The following ZFHX3 variants were observed in gnomAD, a reference collection of about 807,000 sequenced individuals.
ZFHX3 encodes the protein zinc finger homeobox 3.
ZFHX3 carries 42 observed loss-of-function variants against 279.1 expected under a neutral mutation model. That is an observed-to-expected ratio of 0.15 (90% confidence interval 0.12 to 0.19). The LOEUF is 0.19. ZFHX3 is among the 10% of genes least tolerant of loss of function. The pLI is 1.00. For missense variants in ZFHX3, 4,981 were observed against 4,754.0 expected, an observed-to-expected ratio of 1.05 and a Z score of -1.40; for synonymous variants, 2,293 against 1,957.8, an observed-to-expected ratio of 1.17 and a Z score of -4.52.
intron 2 of ZFHX3, among the ~76,000 whole-genome samples, chr16:73,517,071 T>A (rs915309010): frequency 3.3e-5 from 5 of 151,774 alleles, no homozygotes; most frequent in Non-Finnish European, 7.4e-5. Flanking sequence ...CATCCCCCCA[T>A]AACAAATCCA....
At chr16:73,484,775 G>A (rs2018943689) in intron 2 of ZFHX3, among the ~76,000 whole-genome samples, 1 of 152,164 alleles carries the variant, frequency 6.6e-6, no homozygotes, top group Admixed American at 6.5e-5. Context: ...GGGGCTCTCT[G>A]GAAATACGAT....
chr16:73,881,646 T>C (rs914122006), intron 1 of ZFHX3, among the ~76,000 whole-genome samples: 1 of 152,020 alleles, frequency 6.6e-6, no homozygotes, highest in Non-Finnish European at 1.5e-5. Context: ...TCTGGATATT[T>C]GCTAGGGTTC....
chr16:73,454,370 C>G (rs532879196), intron 3 of ZFHX3, among the ~76,000 whole-genome samples: 1 of 152,020 alleles, frequency 6.6e-6, no homozygotes, highest in African/African-American at 2.4e-5. Flanking sequence ...GAAGTAGACT[C>G]GACAGACTTA....
chr16:73,173,734 G>A (rs1381113318), intron 5 of ZFHX3, among the ~76,000 whole-genome samples: 1 of 152,080 alleles, frequency 6.6e-6, no homozygotes, highest in Non-Finnish European at 1.5e-5. Flanking sequence ...ACCAGGCTCC[G>A]ACACCCAGGT....
intron 5 of ZFHX3, among the ~76,000 whole-genome samples, chr16:73,224,094 G>A (rs1285171166): frequency 1.3e-5 from 2 of 152,196 alleles, no homozygotes; most frequent in Non-Finnish European, 1.5e-5. Context: ...TGGTACTATA[G>A]TGGTAGATAC....
At chr16:73,305,417 G>T (rs962553372) in intron 4 of ZFHX3, among the ~76,000 whole-genome samples, 6 of 152,116 alleles carry the variant, frequency 3.9e-5, no homozygotes, top group African/African-American at 1.4e-4. Context: ...ATGCAAAGAG[G>T]ACGGTGGATT....
Position 72,787,091 on chromosome 16 carries a change from T to G in ZFHX3, c.*73A>C. 7.7e-7 allele frequency: 1 copy of G among 1,290,724 alleles called. No individual in the cohort carries two copies. The highest frequency in any genetic ancestry group is 1.0e-6 in the Non-Finnish European group (1 of 1,000,290). 80.0% of individuals were successfully genotyped at this position (1,290,724 alleles called of 1,614,324 possible). The stretch of plus-strand genomic sequence containing the variant: ...TTAGAAGCTTTGGAATTGCAGTTAG[T>G]CTATTTTTGAAATTGGTTTGTTATT... On this transcript the variant is annotated 3_prime_UTR_variant, in exon 10 of 10. Coordinates refer to ENST00000268489, the MANE Select transcript of ZFHX3 (RefSeq NM_006885.4).
intron 1 of ZFHX3, among the ~76,000 whole-genome samples, chr16:73,890,217 T>C (rs1597160388): frequency 6.8e-6 from 1 of 146,860 alleles, no homozygotes. Flanking sequence ...CTTCTTGTAA[T>C]TGTAAGAGTG....
intron 5 of ZFHX3, among the ~76,000 whole-genome samples, chr16:73,252,784 A>G (rs2013549214): frequency 6.6e-6 from 1 of 152,200 alleles, no homozygotes; most frequent in Non-Finnish European, 1.5e-5. Flanking sequence ...CTAGCAGAGG[A>G]TAAAGGAGCC....
At chr16:73,845,212 C>A (rs1247470124) in intron 1 of ZFHX3, among the ~76,000 whole-genome samples, 1 of 152,054 alleles carries the variant, frequency 6.6e-6, no homozygotes, top group African/African-American at 2.4e-5. Flanking sequence ...GACCTGGAAC[C>A]AGGAAAAACA....
At chr16:73,856,678 G>A (rs1020159233) in intron 1 of ZFHX3, among the ~76,000 whole-genome samples, 3 of 152,024 alleles carry the variant, frequency 2.0e-5, no homozygotes, top group South Asian at 2.1e-4. Context: ...CTTTTTAGAC[G>A]GTATTAGAAC....
chr16:72,885,648 T>G (rs543008051), intron 4 of ZFHX3, among the ~76,000 whole-genome samples: 1 of 152,158 alleles, frequency 6.6e-6, no homozygotes. Flanking sequence ...TCTAGATACC[T>G]GTAGGAGGTG....
At chr16:73,139,378 G>C (rs148195483) in intron 6 of ZFHX3, among the ~76,000 whole-genome samples, 3 of 152,156 alleles carry the variant, frequency 2.0e-5, no homozygotes, top group Non-Finnish European at 4.4e-5. Context: ...CTGATAGGAC[G>C]AAGTCCAGGT....
At chr16:73,844,677 TGATTGACAGACGATAGAGAGA>T (rs1461184267) in intron 1 of ZFHX3, among the ~76,000 whole-genome samples, 4 of 151,666 alleles carry the variant, frequency 2.6e-5, no homozygotes, top group Non-Finnish European at 5.9e-5. Context: ...ATGATAGACA[TGATTGACAGACGATAGAGAGA>T]GATCAGATAA....
At chr16:73,193,957 G>A (rs910827199) in intron 5 of ZFHX3, among the ~76,000 whole-genome samples, 1 of 152,216 alleles carries the variant, frequency 6.6e-6, no homozygotes, top group Non-Finnish European at 1.5e-5. Flanking sequence ...GGTCCATGCA[G>A]TGATGAAGCC....
At chr16:73,262,943 G>A (rs2013866150) in intron 4 of ZFHX3, among the ~76,000 whole-genome samples, 1 of 152,064 alleles carries the variant, frequency 6.6e-6, no homozygotes, top group Non-Finnish European at 1.5e-5. Context: ...GTGAGTGAGG[G>A]GCCCCAGAGC....
intron 1 of ZFHX3, chr16:72,973,530 A>C (rs1346849197): frequency 9.9e-5 from 15 of 152,228 alleles, no homozygotes. Flanking sequence ...ACACTCATCC[A>C]AACCTGGGAT....
At chr16:73,361,079 A>G (rs991004924) in intron 3 of ZFHX3, among the ~76,000 whole-genome samples, 3 of 152,262 alleles carry the variant, frequency 2.0e-5, no homozygotes, top group Non-Finnish European at 4.4e-5. Flanking sequence ...CAAAGCCTGG[A>G]AAGTGTCAGC....
At chr16:73,881,975 T>C (rs1280812545) in intron 1 of ZFHX3, among the ~76,000 whole-genome samples, 2 of 152,122 alleles carry the variant, frequency 1.3e-5, no homozygotes, top group Non-Finnish European at 2.9e-5. Flanking sequence ...TGCCGTCTCT[T>C]AGTCTCTTAA....
Sources: allele counts gnomAD v4.1 joint callset (sites outside exome capture counted in the v4.1 genomes callset), GRCh38; gene constraint gnomAD v4.1.1; transcripts MANE v1.5; gene names NCBI Gene and HGNC (gene_info 2026-07-23, HGNC 2026-07-21).